Variants in DLG2 observed in about 807,000 individuals in gnomAD.
DLG2 encodes the protein disks large homolog 2.
Under a neutral mutation model 132.5 loss-of-function variants are expected in DLG2, and 45 were observed. That is an observed-to-expected ratio of 0.34 (90% CI 0.27 to 0.44). The LOEUF is 0.44. DLG2 is among the 20% of genes least tolerant of loss of function. The pLI is 1.00. For missense variants in DLG2, 1,045 were observed against 1,196.9 expected, an observed-to-expected ratio of 0.87 and a Z score of 1.87; for synonymous variants, 424 against 419.6, an observed-to-expected ratio of 1.01 and a Z score of -0.13.
chr11:84,843,172 T>A (rs942835799), intron 6 of DLG2, among the ~76,000 whole-genome samples: 2 of 151,986 alleles, frequency 1.3e-5, no homozygotes, highest in African/African-American at 4.8e-5. Context: ...AATGGATATG[T>A]TGATTAGCTT....
chr11:84,642,601 T>C (rs2099669009), intron 6 of DLG2, among the ~76,000 whole-genome samples: 1 of 151,920 alleles, frequency 6.6e-6, no homozygotes, highest in South Asian at 2.1e-4. Context: ...GACAAGGAGA[T>C]AGGAATTAAG....
intron 18 of DLG2, among the ~76,000 whole-genome samples, chr11:83,768,058 A>G (rs1367025619): frequency 6.6e-6 from 1 of 152,162 alleles, no homozygotes; most frequent in Admixed American, 6.5e-5. Flanking sequence ...AGCCCATTAT[A>G]TCCATAATCT....
chr11:85,056,381 C>A (rs1012263174), intron 6 of DLG2, among the ~76,000 whole-genome samples: 18 of 151,740 alleles, frequency 1.2e-4, no homozygotes, highest in African/African-American at 4.4e-4. Flanking sequence ...ATTCAGAATT[C>A]AATAGGGGAA....
At chr11:83,838,408 T>C (rs1466864593) in intron 16 of DLG2, among the ~76,000 whole-genome samples, 1 of 152,292 alleles carries the variant, frequency 6.6e-6, no homozygotes, top group East Asian at 1.9e-4. Context: ...TTTAGATTAG[T>C]GAAATGAGAC....
At chr11:85,505,269 T>G (rs935813458) in intron 3 of DLG2, among the ~76,000 whole-genome samples, 1 of 152,114 alleles carries the variant, frequency 6.6e-6, no homozygotes, top group Non-Finnish European at 1.5e-5. Context: ...TGAATAGGAG[T>G]GGTGAGAGAG....
chr11:83,611,285 G>T (rs1427747133), intron 19 of DLG2, among the ~76,000 whole-genome samples: 1 of 152,080 alleles, frequency 6.6e-6, no homozygotes, highest in Non-Finnish European at 1.5e-5. Context: ...TTGAGAAGGG[G>T]GGAAGGGGGA....
At chr11:83,794,746 C>T (rs1417853213) in intron 17 of DLG2, among the ~76,000 whole-genome samples, 2 of 152,070 alleles carry the variant, frequency 1.3e-5, no homozygotes, top group Non-Finnish European at 2.9e-5. Flanking sequence ...CTGACTTACT[C>T]AAATTTATAT....
chr11:85,163,667 C>G (rs2078212689), intron 4 of DLG2, among the ~76,000 whole-genome samples: 1 of 152,156 alleles, frequency 6.6e-6, no homozygotes, highest in Non-Finnish European at 1.5e-5. Context: ...CTTCCACCTA[C>G]TACCTATGTG....
chr11:84,778,096 T>C (rs918131437), intron 6 of DLG2, among the ~76,000 whole-genome samples: 3 of 152,182 alleles, frequency 2.0e-5, no homozygotes, highest in African/African-American at 4.8e-5. Flanking sequence ...GGTCTTATGT[T>C]TACGTCTTTA....
At chr11:83,772,237 G>T (rs774898221) in intron 18 of DLG2, among the ~76,000 whole-genome samples, 1 of 151,804 alleles carries the variant, frequency 6.6e-6, no homozygotes, top group Non-Finnish European at 1.5e-5. Context: ...GTGAAACCCC[G>T]TTGCTACCAA....
rs185537794 is a variant in DLG2, at chr11:85,539,533, C to T, written c.40+59124G>A. The stretch of plus-strand genomic sequence containing the variant: ...TAGAGTTACTGCTAATGGGTATGAG[C>T]TTTCTTTTTGGGATTATGGAAATAT... On this transcript the variant is annotated intron_variant, in intron 3 of 27. Coordinates refer to ENST00000376104, the MANE Select transcript of DLG2 (RefSeq NM_001142699.3). Among the ~76,000 whole-genome samples, 329 of 152,188 alleles carry T rather than the reference C, an allele frequency of 2.2e-3. 1 individual carries two copies. The highest frequency in any genetic ancestry group is 7.6e-3 in the African/African-American group (316 of 41,530).
chr11:83,865,616 G>A (rs2062193253), intron 16 of DLG2, among the ~76,000 whole-genome samples: 1 of 151,820 alleles, frequency 6.6e-6, no homozygotes, highest in African/African-American at 2.4e-5. Flanking sequence ...AGAGGAGAAG[G>A]AAAGATGCAG....
chr11:84,216,114 C>T (rs529028851), intron 8 of DLG2, among the ~76,000 whole-genome samples: 24 of 152,190 alleles, frequency 1.6e-4, no homozygotes, highest in Non-Finnish European at 2.4e-4. Context: ...TGGCTGTGTT[C>T]CTAATATAAG....
rs577089104 is a variant in DLG2 at position 84,537,841 on chromosome 11, T to C, written c.358-3110A>G. 3.9e-5 allele frequency among the ~76,000 whole-genome samples: 6 copies of C among 152,310 alleles called. No individual in the cohort carries two copies. In the South Asian group the frequency reaches 6.2e-4, roughly 16 times the overall value. On this transcript the variant is annotated intron_variant, in intron 6 of 27. Coordinates refer to ENST00000376104, the MANE Select transcript of DLG2 (RefSeq NM_001142699.3). ...GCTACCATTACACAAATGGATGAAA[T>C]AGATATCACTTGCTTAAGCCACAAT...
rs116676279 is a variant in DLG2 at position 85,146,387 on chromosome 11, A to G, written c.282+8169T>C. ...TGGGTCTTATCCAAGGTCCATGGCT[A>G]CTCTTTCCTGGCTGCTAGTGATGTT... is the stretch of plus-strand genomic sequence containing the variant. On this transcript the variant is annotated intron_variant, in intron 5 of 27. Coordinates refer to ENST00000376104, the MANE Select transcript of DLG2 (RefSeq NM_001142699.3). Among the ~76,000 whole-genome samples, 904 of 151,976 alleles carry G rather than the reference A, an allele frequency of 5.9e-3. 9 individuals are homozygous for G. The highest frequency in any genetic ancestry group is 0.021 in the African/African-American group (875 of 41,450).
In DLG2 at chr11:84,348,387, A is replaced by G. The variant is rs17147242; in HGVS notation, c.520-97096T>C. ...CTAGATCTCACTCTAAATTCTACAT[A>G]TTTGCTTTCAAGTCTATGTTTTTCT... On this transcript the variant is annotated intron_variant, in intron 7 of 27. Transcript: ENST00000376104. 6.4e-3 allele frequency among the ~76,000 whole-genome samples: 967 copies of G among 152,264 alleles called. 13 individuals are homozygous for G. Among genetic ancestry groups the G allele is most frequent in the African/African-American group, 0.022 (900 of 41,558 alleles).
intron 11 of DLG2, among the ~76,000 whole-genome samples, chr11:83,982,731 T>G (rs12365137): frequency 0.021 from 3,127 of 152,226 alleles, 53 homozygotes; most frequent in Non-Finnish European, 0.035. Context: ...GGACTTCACA[T>G]TTACTCATTA....
intron 3 of DLG2, among the ~76,000 whole-genome samples, chr11:85,410,810 G>C: frequency 6.6e-6 from 1 of 151,842 alleles, no homozygotes; most frequent in East Asian, 1.9e-4. Flanking sequence ...GTAGGAGTCT[G>C]TATTAACAGA....
chr11:84,054,289 T>C (rs949805371), intron 11 of DLG2, among the ~76,000 whole-genome samples: 1 of 152,072 alleles, frequency 6.6e-6, no homozygotes, highest in African/African-American at 2.4e-5. Context: ...TATGATTTAA[T>C]GTGTTCTTGC....
Sources: allele counts gnomAD v4.1 joint callset (sites outside exome capture counted in the v4.1 genomes callset), GRCh38; gene constraint gnomAD v4.1.1; transcripts MANE v1.5; gene names NCBI Gene and HGNC (gene_info 2026-07-23, HGNC 2026-07-21).